Variants in PPIG observed in about 807,000 individuals in gnomAD.
PPIG encodes the protein peptidylprolyl isomerase G.
PPIG carries 26 observed loss-of-function variants against 87.9 expected under a neutral mutation model. The observed-to-expected ratio is 0.30, with a 90% CI of 0.22 to 0.41. PPIG has a LOEUF of 0.41. Ranked by LOEUF, PPIG falls within the 10% of genes least tolerant of loss-of-function variation. The pLI is 1.00. For missense variants in PPIG, 722 were observed against 879.4 expected (o/e 0.82, Z 2.26); for synonymous variants, 308 against 276.5 (o/e 1.11, Z -1.13).
In PPIG at chr2:169,618,264, A is replaced by T. The variant is rs959974926; in HGVS notation, c.547+3540A>T. Among the ~76,000 whole-genome samples the T allele has an allele frequency of 5.9e-5, 9 of 152,190 alleles. No individual in the cohort carries two copies. The South Asian group carries it at 1.7e-3, about 28-fold the overall frequency. On this transcript the variant is annotated intron_variant, in intron 9 of 13. Transcript: ENST00000260970. Reference sequence around the variant, plus strand: ...GCTGGATTTGATTTGCCAGTATTTTATTGAGGATTTTCCCATCAATGTTCA... The same window carrying T: ...GCTGGATTTGATTTGCCAGTATTTTTTTGAGGATTTTCCCATCAATGTTCA...
At position 169,614,411 on chromosome 2, in the gene PPIG, CTTTG is replaced by C. The variant is rs1327208949; in HGVS notation, c.378-49_378-46del. 9 of 1,446,778 alleles carry C rather than the reference CTTTG, an allele frequency of 6.2e-6. No individual in the cohort carries two copies. In the African/African-American group the frequency reaches 8.6e-5, roughly 14 times the overall value. 89.6% of individuals were successfully genotyped at this position (1,446,778 alleles called of 1,614,324 possible). ...TTCTTTTTCTTTTTAGAGATGCTAACTTTGTTTTTCTCTGACTTTGTTTTTATTC... is the reference window on the plus strand; with the variant it reads ...TTCTTTTTCTTTTTAGAGATGCTAACTTTTTCTCTGACTTTGTTTTTATTC... On this transcript the variant is annotated intron_variant, in intron 7 of 13. Coordinates refer to ENST00000260970, the MANE Select transcript of PPIG (RefSeq NM_004792.3).
intron 1 of PPIG, among the ~76,000 whole-genome samples, chr2:169,597,050 C>T (rs1685039578): frequency 6.6e-6 from 1 of 152,042 alleles, no homozygotes; most frequent in African/African-American, 2.4e-5. Context: ...AAGTTACTTC[C>T]AAATCTTGGA....
chr2:169,627,247 C>T (rs1685912885), intron 9 of PPIG, among the ~76,000 whole-genome samples: 1 of 151,288 alleles, frequency 6.6e-6, no homozygotes, highest in South Asian at 2.1e-4. Context: ...TACGCGTGTG[C>T]ACCACCACAC....
chr2:169,590,369 A>G (rs2460863), intron 1 of PPIG, among the ~76,000 whole-genome samples: 61,307 of 151,928 alleles, frequency 0.4, 13,010 homozygotes, highest in East Asian at 0.58. Context: ...GGCCTGGAGC[A>G]GTGGCTCAAG....
intron 1 of PPIG, among the ~76,000 whole-genome samples, chr2:169,590,045 G>A (rs916546699): frequency 6.6e-6 from 1 of 151,460 alleles, no homozygotes; most frequent in Admixed American, 6.6e-5. Flanking sequence ...GGAGGCAGAA[G>A]TTGTGGTGAG....
intron 5 of PPIG, among the ~76,000 whole-genome samples, chr2:169,606,591 CA>C (rs71006009): frequency 0.37 from 31,257 of 84,936 alleles, 4,720 homozygotes; most frequent in South Asian, 0.48. Context: ...GACTCTGTCT[CA>C]AAAAAAAAAA....
At chr2:169,587,461 C>G (rs1420258630) in intron 1 of PPIG, among the ~76,000 whole-genome samples, 1 of 151,456 alleles carries the variant, frequency 6.6e-6, no homozygotes, top group Non-Finnish European at 1.5e-5. Context: ...AGGCTGGTCC[C>G]AAACTCCTGA....
At chr2:169,588,793 T>G (rs1038865037) in intron 1 of PPIG, among the ~76,000 whole-genome samples, 4 of 151,952 alleles carry the variant, frequency 2.6e-5, no homozygotes, top group Admixed American at 1.3e-4. Flanking sequence ...AAACCCTGTC[T>G]CTACTAAAAA....
At chr2:169,618,448 C>G (rs951267759) in intron 9 of PPIG, among the ~76,000 whole-genome samples, 5 of 152,120 alleles carry the variant, frequency 3.3e-5, no homozygotes, top group African/African-American at 1.2e-4. Context: ...CTCTTTGTAC[C>G]TCTGGTAGAA....
At chr2:169,590,359 G>C (rs1684829639) in intron 1 of PPIG, among the ~76,000 whole-genome samples, 1 of 151,818 alleles carries the variant, frequency 6.6e-6, no homozygotes. Flanking sequence ...AGAAAGTCAG[G>C]GCCTGGAGCA....
At chr2:169,623,084 T>C (rs2105509701) in intron 9 of PPIG, among the ~76,000 whole-genome samples, 1 of 152,232 alleles carries the variant, frequency 6.6e-6, no homozygotes, top group East Asian at 1.9e-4. Context: ...TCCTTCTTTT[T>C]GTGACTATTT....
At chr2:169,611,284 A>C (rs1368154998) in intron 7 of PPIG, among the ~76,000 whole-genome samples, 3 of 152,190 alleles carry the variant, frequency 2.0e-5, no homozygotes, top group Non-Finnish European at 2.9e-5. Flanking sequence ...CACACACACA[A>C]AAATCCCATT....
rs762687864 is a variant in PPIG, at chr2:169,584,418, T to C, written c.-142T>C. The C allele has an allele frequency of 4.2e-6, 2 of 470,872 alleles. No individual in the cohort carries two copies. Among genetic ancestry groups the C allele is most frequent in the Middle Eastern group, 3.2e-4 (1 of 3,100 alleles). The allele number at this position is 470,872 out of a possible 1,614,324, so 29.2% of individuals were successfully genotyped here. Reference sequence around the variant, plus strand: ...GAGGCGGTTAGCGGGCTTTAGCGCCTTTTCTGGCGGCGGTAGATTTGAAGC... The same window carrying C: ...GAGGCGGTTAGCGGGCTTTAGCGCCCTTTCTGGCGGCGGTAGATTTGAAGC... On this transcript the variant is annotated 5_prime_UTR_variant, in exon 1 of 14. Transcript: ENST00000260970.
intron 9 of PPIG, among the ~76,000 whole-genome samples, chr2:169,617,696 T>C (rs1231009066): frequency 6.6e-6 from 1 of 152,238 alleles, no homozygotes; most frequent in Admixed American, 6.5e-5. Context: ...TTTTTGCACA[T>C]TGATTTTGTA....
chr2:169,615,238 G>A (rs1212159537), intron 9 of PPIG, among the ~76,000 whole-genome samples: 1 of 152,066 alleles, frequency 6.6e-6, no homozygotes, highest in Non-Finnish European at 1.5e-5. Flanking sequence ...TAGTGGAGAT[G>A]GGGTTTCACC....
chr2:169,614,774 C>A, intron 9 of PPIG, 50 bp downstream of exon 9: 1 of 1,506,484 alleles, frequency 6.6e-7, no homozygotes. Flanking sequence ...ACAAAATAAG[C>A]AGAGATACTC....
chr2:169,586,078 G>A (rs76102134), intron 1 of PPIG, among the ~76,000 whole-genome samples: 1 of 151,690 alleles, frequency 6.6e-6, no homozygotes, highest in African/African-American at 2.4e-5. Context: ...TTTTTTTTAT[G>A]TTAACGAGTT....
At chr2:169,594,963 C>G (rs1250705715) in intron 1 of PPIG, among the ~76,000 whole-genome samples, 1 of 151,994 alleles carries the variant, frequency 6.6e-6, no homozygotes, top group Non-Finnish European at 1.5e-5. Context: ...GAGTCTCACT[C>G]TGTTGCCCAA....
intron 4 of PPIG, among the ~76,000 whole-genome samples, chr2:169,604,611 C>T (rs978754055): frequency 6.6e-6 from 1 of 151,752 alleles, no homozygotes; most frequent in Non-Finnish European, 1.5e-5. Context: ...CGCAGTGGCT[C>T]ATGTCTGTAA....
Sources: gnomAD v4.1 joint callset for allele counts (sites outside exome capture counted in the v4.1 genomes callset) on GRCh38, gnomAD v4.1.1 for gene constraint, MANE v1.5 for transcripts, NCBI Gene and HGNC (gene_info 2026-07-23, HGNC 2026-07-21) for gene names.